Variants in SVIL observed in about 807,000 individuals in gnomAD.
SVIL encodes supervillin.
In SVIL, 101 loss-of-function variants were observed where a neutral mutation model predicts 240.4. The observed-to-expected ratio is 0.42, with a 90% CI of 0.36 to 0.50. The LOEUF is 0.50. SVIL is among the 20% of genes least tolerant of loss of function. The probability of loss-of-function intolerance (pLI) is 0.01; values close to 1 mark genes in which losing one functional copy is unlikely to be tolerated. For synonymous variants in SVIL, 999 were observed against 1,100.0 expected, an observed-to-expected ratio of 0.91 and a Z score of 1.82; for missense variants, 2,512 against 2,818.7, an observed-to-expected ratio of 0.89 and a Z score of 2.46.
At chr10:29,689,704 C>T (rs1325621909) in intron 1 of SVIL, among the ~76,000 whole-genome samples, 1 of 152,198 alleles carries the variant, frequency 6.6e-6, no homozygotes, top group Non-Finnish European at 1.5e-5. Context: ...GGGAAGCACA[C>T]CTTCAAAATA....
chr10:29,644,774 C>G (rs1265519260), intron 3 of SVIL, among the ~76,000 whole-genome samples: 1 of 152,140 alleles, frequency 6.6e-6, no homozygotes, highest in African/African-American at 2.4e-5. Flanking sequence ...GGCCATGTCT[C>G]CTTGACAGCA....
chr10:29,728,847 A>G lies in SVIL; in HGVS notation c.-400+6904T>C, dbSNP rs138758789. Among the ~76,000 whole-genome samples, 700 of 151,876 alleles carry G rather than the reference A, an allele frequency of 4.6e-3. 11 individuals carry two copies. Among genetic ancestry groups the G allele is most frequent in the African/African-American group, 0.015 (609 of 41,406 alleles). On this transcript the variant is annotated intron_variant, in intron 1 of 35. Coordinates refer to the SVIL transcript ENST00000375400. ...TGGGGAGTGGAGGGAAAGCAATTAA[A>G]CACCAATGACAGATGGAGATAAGGA...
intron 1 of SVIL, among the ~76,000 whole-genome samples, chr10:29,571,779 A>T (rs1327911526): frequency 6.6e-6 from 1 of 152,214 alleles, no homozygotes; most frequent in East Asian, 1.9e-4. Flanking sequence ...GAAAAACGGA[A>T]CATTCAAGAG....
intron 16 of SVIL, among the ~76,000 whole-genome samples, chr10:29,520,793 G>A (rs934250363): frequency 6.6e-6 from 1 of 152,006 alleles, no homozygotes; most frequent in African/African-American, 2.4e-5. Context: ...GTACGTGTCT[G>A]CAGTCCCAGC....
intron 1 of SVIL, among the ~76,000 whole-genome samples, chr10:29,689,723 T>C (rs1335331504): frequency 6.6e-6 from 1 of 152,236 alleles, no homozygotes; most frequent in Non-Finnish European, 1.5e-5. Flanking sequence ...TACTAAAATA[T>C]TTCCAAATAG....
chr10:29,485,140 G>A (rs547285863), intron 26 of SVIL, among the ~76,000 whole-genome samples: 1 of 151,870 alleles, frequency 6.6e-6, no homozygotes, highest in South Asian at 2.1e-4. Flanking sequence ...TCTTCCTGTC[G>A]ACTTCCTGCC....
intron 34 of SVIL, 93 bp downstream of exon 34, chr10:29,465,500 CAG>C (rs1944803026): frequency 1.4e-6 from 2 of 1,462,574 alleles, no homozygotes; most frequent in South Asian, 1.4e-5. Flanking sequence ...ACTTGGCAAA[CAG>C]AAGCTGCTTA....
At chr10:29,474,426 T>C (rs1233207420) in intron 29 of SVIL, among the ~76,000 whole-genome samples, 2 of 152,008 alleles carry the variant, frequency 1.3e-5, no homozygotes, top group Non-Finnish European at 2.9e-5. Flanking sequence ...AGACCCCACC[T>C]CTAAAATAAT....
rs766259780 is a variant in SVIL at position 29,531,995 on chromosome 10, T to C, written c.2009+7A>G. On this transcript the variant is annotated splice_region_variant and intron_variant, in intron 9 of 37. Coordinates refer to ENST00000355867, the MANE Select transcript of SVIL (RefSeq NM_021738.3). ...TGGATGAGGAAACTGCGCATACGCA[T>C]GCCTACCTATCCGATTCCTTTCGTT... is the stretch of plus-strand genomic sequence containing the variant. 6.2e-7 allele frequency: 1 copy of C among 1,614,132 alleles called. No individual in the cohort carries two copies. The highest frequency in any genetic ancestry group is 8.5e-7 in the Non-Finnish European group (1 of 1,179,950).
intron 1 of SVIL, among the ~76,000 whole-genome samples, chr10:29,626,118 AGCATG>A (rs1957855468): frequency 6.6e-6 from 1 of 152,224 alleles, no homozygotes; most frequent in South Asian, 2.1e-4. Context: ...CCTAAGGTAT[AGCATG>A]GTGACTATAG....
Position 29,471,133 on chromosome 10 carries a change from C to G in SVIL, c.5635+5G>C. 1 of 1,612,248 alleles carries G rather than the reference C, an allele frequency of 6.2e-7. No individual in the cohort carries two copies. The highest frequency in any genetic ancestry group is 8.5e-7 in the Non-Finnish European group (1 of 1,179,136). On this transcript the variant is annotated splice_donor_5th_base_variant and intron_variant, in intron 31 of 37. Coordinates refer to ENST00000355867, the MANE Select transcript of SVIL (RefSeq NM_021738.3). ...AGTCGAATTCCAGCAGTAAAAGTGA[C>G]TTACTTTGCACATTTTCTTCTTCCT...
intron 1 of SVIL, among the ~76,000 whole-genome samples, chr10:29,716,090 C>A (rs545877986): frequency 6.6e-6 from 1 of 152,238 alleles, no homozygotes; most frequent in East Asian, 1.9e-4. Flanking sequence ...GCAGATGAGT[C>A]TACAAAGGAA....
rs1243985150 is a variant in SVIL, at chr10:29,484,191, C to T, written c.4955+465G>A. On this transcript the variant is annotated intron_variant, in intron 27 of 37. Transcript: ENST00000355867. This position sits in a 1 kb window ranked among gnomAD's most constrained non-coding sequence, Gnocchi z 4.7. ...CTTCCCTTCCCAAAAGATATAAAGA[C>T]ATAAACATCATCTGCTGCCAAATAA... Among the ~76,000 whole-genome samples, 1 of 152,148 alleles carries T rather than the reference C, an allele frequency of 6.6e-6. No homozygotes were observed. Among genetic ancestry groups the T allele is most frequent in the Non-Finnish European group, 1.5e-5 (1 of 68,018 alleles).
chr10:29,545,035 C>G (rs771176135), intron 6 of SVIL: 1 of 534,632 alleles, frequency 1.9e-6, no homozygotes, highest in Non-Finnish European at 3.8e-6. Context: ...AATTCCGCAG[C>G]CTGTGTCAGA....
chr10:29,692,333 C>A lies in SVIL; in HGVS notation c.-399-5682G>T, dbSNP rs186384524. 1.2e-3 allele frequency among the ~76,000 whole-genome samples: 177 copies of A among 152,292 alleles called. 1 individual carries two copies. The highest frequency in any genetic ancestry group is 4.1e-3 in the African/African-American group (169 of 41,548). ...GCTCAGCAGAAGGATGGAGACAGAA[C>A]ATTCCACCCCGTATGAGCAGGTGAG... On this transcript the variant is annotated intron_variant, in intron 1 of 35. Transcript: ENST00000375400.
intron 1 of SVIL, among the ~76,000 whole-genome samples, chr10:29,702,070 G>A (rs1962553710): frequency 6.6e-6 from 1 of 151,276 alleles, no homozygotes; most frequent in South Asian, 2.1e-4. Flanking sequence ...AGGTACTCGG[G>A]AGGCTGAGGC....
intron 1 of SVIL, among the ~76,000 whole-genome samples, chr10:29,700,823 C>T (rs2132643111): frequency 6.6e-6 from 1 of 152,182 alleles, no homozygotes; most frequent in East Asian, 1.9e-4. Context: ...CACCCCTACC[C>T]CCACCTGCAA....
At chr10:29,574,626 C>T (rs893277668) in intron 1 of SVIL, among the ~76,000 whole-genome samples, 21 of 152,258 alleles carry the variant, frequency 1.4e-4, no homozygotes, top group Middle Eastern at 3.4e-3. Context: ...AAGCTTGTGG[C>T]GTGGAAGTGC....
chr10:29,653,446 T>A (rs1159350718), intron 3 of SVIL, among the ~76,000 whole-genome samples: 1 of 152,196 alleles, frequency 6.6e-6, no homozygotes, highest in African/African-American at 2.4e-5. Flanking sequence ...ATTAAGCCTA[T>A]TTTCTTTATG....
Sources: gnomAD v4.1 joint callset for allele counts (sites outside exome capture counted in the v4.1 genomes callset) on GRCh38, gnomAD v4.1.1 for gene constraint, Gnocchi (gnomAD v3.1) non-coding constraint, MANE v1.5 for transcripts, NCBI Gene and HGNC (gene_info 2026-07-23, HGNC 2026-07-21) for gene names.